S100Z: variants seen among roughly 807,000 people sequenced by gnomAD.
The protein encoded by S100Z is protein S100-Z.
Under a neutral mutation model 8.5 loss-of-function variants are expected in S100Z, and 11 were observed. The observed-to-expected ratio is 1.30, with a 90% CI of 0.82 to 2.15. The LOEUF (loss-of-function observed/expected upper bound fraction) is 2.15. Among genes scored for constraint, S100Z ranks in the 30% most tolerant of loss-of-function variants. S100Z has a pLI of 0.00. For missense variants in S100Z, 126 were observed against 117.9 expected (o/e 1.07, Z -0.32); for synonymous variants, 34 against 43.8 (o/e 0.78, Z 0.89).
chr5:76,917,940 T>C (rs180988381), intron 4 of S100Z, among the ~76,000 whole-genome samples: 75 of 152,336 alleles, frequency 4.9e-4, no homozygotes, highest in African/African-American at 1.8e-3. Context: ...AGTTGGTTTC[T>C]TGCTTTTTGC....
intron 1 of S100Z, among the ~76,000 whole-genome samples, chr5:76,863,016 A>G (rs1029818915): frequency 4.5e-4 from 68 of 152,164 alleles, no homozygotes; most frequent in African/African-American, 1.5e-3. Context: ...CACACCATGA[A>G]CCTGGACAAC....
the S100Z span, among the ~76,000 whole-genome samples, chr5:76,949,477 AGAATT>A: frequency 5.3e-5 from 8 of 152,230 alleles, no homozygotes; most frequent in Non-Finnish European, 1.2e-4. Flanking sequence ...TTTTTCCAAA[AGAATT>A]GAAATCAGTA....
intron 4 of S100Z, among the ~76,000 whole-genome samples, chr5:76,884,654 G>A (rs1037642982): frequency 1.3e-5 from 2 of 152,160 alleles, no homozygotes; most frequent in African/African-American, 4.8e-5. Context: ...CTCCAGCCAC[G>A]TCTTTAAGAG....
At chr5:76,910,544 A>C (rs548731564) in intron 4 of S100Z, among the ~76,000 whole-genome samples, 2 of 152,184 alleles carry the variant, frequency 1.3e-5, no homozygotes, top group Non-Finnish European at 2.9e-5. Context: ...AGGACATTTT[A>C]AAAAAGATTG....
chr5:76,923,687 C>A (rs1745085766), downstream of S100Z, among the ~76,000 whole-genome samples: 1 of 152,192 alleles, frequency 6.6e-6, no homozygotes, highest in African/African-American at 2.4e-5. Context: ...ATCCACAACA[C>A]CACCATAGCT....
At chr5:76,863,262 T>C (rs1426180535) in intron 1 of S100Z, among the ~76,000 whole-genome samples, 3 of 152,234 alleles carry the variant, frequency 2.0e-5, no homozygotes, top group African/African-American at 7.2e-5. Context: ...TGAATTGTTT[T>C]GCTGGAGGAG....
chr5:76,909,740 C>T (rs1453357174), intron 4 of S100Z, among the ~76,000 whole-genome samples: 1 of 152,194 alleles, frequency 6.6e-6, no homozygotes, highest in Non-Finnish European at 1.5e-5. Flanking sequence ...ATGTCCCCTT[C>T]TCCCTCTCTA....
At chr5:76,900,300 A>C (rs551723793) in intron 4 of S100Z, among the ~76,000 whole-genome samples, 1 of 152,266 alleles carries the variant, frequency 6.6e-6, no homozygotes, top group Non-Finnish European at 1.5e-5. Flanking sequence ...GTCCTCTGTT[A>C]TTATCCCTTT....
chr5:76,906,648 T>G (rs969828540), intron 4 of S100Z, among the ~76,000 whole-genome samples: 1 of 151,540 alleles, frequency 6.6e-6, no homozygotes, highest in African/African-American at 2.4e-5. Context: ...TTTGTTTTTT[T>G]TTGAGACAGA....
chr5:76,899,861 T>C (rs75546456), intron 4 of S100Z, among the ~76,000 whole-genome samples: 3,614 of 152,322 alleles, frequency 0.024, 150 homozygotes, highest in African/African-American at 0.079. Context: ...AGGTGATTAT[T>C]TATTGCTCAT....
chr5:76,897,476 AAAAT>A (rs58962430), intron 4 of S100Z, among the ~76,000 whole-genome samples: 17,965 of 151,430 alleles, frequency 0.12, 3,262 homozygotes, highest in African/African-American at 0.4. Flanking sequence ...TAAAAATAAA[AAAAT>A]AAATAAATTT....
At chr5:76,952,541 A>T in the S100Z span, among the ~76,000 whole-genome samples, 15 of 152,304 alleles carry the variant, frequency 9.8e-5, no homozygotes, top group East Asian at 2.9e-3. Flanking sequence ...CTTCTGTTCC[A>T]CCTCTTTAAA....
rs377645955 is a variant in S100Z, at chr5:76,877,689, C to T, written c.157C>T (p.Gln53Ter). Reference sequence around the variant, plus strand: ...CTCATTTTAGTGCCAAAAGGAAACCCAGTTGGTTGATAAGATAGTGCAGGA... The same window carrying T: ...CTCATTTTAGTGCCAAAAGGAAACCTAGTTGGTTGATAAGATAGTGCAGGA... ...TEFLSCQKET[Q>*]LVDKIVQDLD... Residue 53 changes from glutamine (Q) to a stop codon, truncating the protein, a stop_gained, in exon 4 of 5, where the codon CAG (glutamine) becomes TAG (stop). Transcript: ENST00000317593. LOFTEE classifies it high-confidence loss of function. 1 of 1,603,322 alleles carries T rather than the reference C, an allele frequency of 6.2e-7. No homozygotes were observed. The highest frequency in any genetic ancestry group is 1.3e-5 in the African/African-American group (1 of 74,656).
At chr5:76,873,729 C>T (rs757158601) in intron 2 of S100Z, among the ~76,000 whole-genome samples, 17 of 152,130 alleles carry the variant, frequency 1.1e-4, no homozygotes, top group Non-Finnish European at 2.1e-4. Flanking sequence ...ATACTGACTA[C>T]TTTGTTGAAG....
At chr5:76,919,868 T>A (rs1744982989) in intron 4 of S100Z, among the ~76,000 whole-genome samples, 1 of 151,672 alleles carries the variant, frequency 6.6e-6, no homozygotes. Flanking sequence ...CTTCCCACAG[T>A]GCTGGGATTA....
At chr5:76,880,657 AT>A (rs761495548) in intron 4 of S100Z, among the ~76,000 whole-genome samples, 5 of 152,220 alleles carry the variant, frequency 3.3e-5, no homozygotes, top group Non-Finnish European at 7.3e-5. Context: ...AAAAACAGAT[AT>A]TAAAGGACTA....
chr5:76,935,169 G>A, the S100Z span, among the ~76,000 whole-genome samples: 3 of 152,308 alleles, frequency 2.0e-5, no homozygotes, highest in Non-Finnish European at 2.9e-5. Context: ...AATGCACAAC[G>A]TAGCCAAAAT....
chr5:76,947,721 T>C, the S100Z span, among the ~76,000 whole-genome samples: 1 of 152,268 alleles, frequency 6.6e-6, no homozygotes, highest in East Asian at 1.9e-4. Flanking sequence ...ACATATATGG[T>C]CAACTCATCT....
intron 1 of S100Z, among the ~76,000 whole-genome samples, chr5:76,866,189 G>A (rs1233542684): frequency 6.6e-6 from 1 of 151,560 alleles, no homozygotes; most frequent in African/African-American, 2.4e-5. Flanking sequence ...GCCTCAAGTG[G>A]TCCCCCCACC....
Sources: allele counts gnomAD v4.1 joint callset (sites outside exome capture counted in the v4.1 genomes callset), GRCh38; gene constraint gnomAD v4.1.1; transcripts MANE v1.5; gene names NCBI Gene and HGNC (gene_info 2026-07-23, HGNC 2026-07-21).